NEGR1: variants seen among roughly 807,000 people sequenced by gnomAD.
NEGR1 encodes neuronal growth regulator 1, also known as IgLON family member 4.
In NEGR1, 10 loss-of-function variants were observed where a neutral mutation model predicts 40.9. That is an observed-to-expected ratio of 0.24 (90% CI 0.15 to 0.42). The LOEUF is 0.42. Ranked by LOEUF, NEGR1 falls within the 10% of genes least tolerant of loss-of-function variation. The pLI is 1.00. For missense variants in NEGR1, 352 were observed against 438.9 expected, an observed-to-expected ratio of 0.80 and a Z score of 1.77; for synonymous variants, 185 against 166.8, an observed-to-expected ratio of 1.11 and a Z score of -0.84.
At chr1:71,999,822 T>C (rs1430587720) in intron 1 of NEGR1, among the ~76,000 whole-genome samples, 1 of 150,980 alleles carries the variant, frequency 6.6e-6, no homozygotes, top group African/African-American at 2.4e-5. Context: ...AACCCAGCCT[T>C]AGGTTTAGTA....
intron 1 of NEGR1, among the ~76,000 whole-genome samples, chr1:72,015,031 T>C (rs961180261): frequency 1.3e-5 from 2 of 152,128 alleles, no homozygotes; most frequent in Non-Finnish European, 2.9e-5. Context: ...TAAATAAGAC[T>C]GTGTTCAATA....
chr1:72,257,123 C>T (rs554386832), intron 1 of NEGR1, among the ~76,000 whole-genome samples: 6 of 151,968 alleles, frequency 3.9e-5, no homozygotes, highest in East Asian at 3.9e-4. Context: ...GAGATTGAGA[C>T]CATCCCGGCT....
At chr1:71,749,988 C>CTTTTTTTTTT (rs768011020) in intron 3 of NEGR1, among the ~76,000 whole-genome samples, 2 of 136,634 alleles carry the variant, frequency 1.5e-5, no homozygotes, top group African/African-American at 2.8e-5. Flanking sequence ...TTGCTCCTTT[C>CTTTTTTTTTT]TTTTTTTTTT....
intron 3 of NEGR1, among the ~76,000 whole-genome samples, chr1:71,720,078 C>T (rs1250135335): frequency 2.0e-5 from 3 of 152,018 alleles, no homozygotes; most frequent in Non-Finnish European, 4.4e-5. Context: ...TACTACCAAA[C>T]AACTACAAGA....
At chr1:71,875,193 C>G (rs207460191) in intron 2 of NEGR1, among the ~76,000 whole-genome samples, 7 of 152,038 alleles carry the variant, frequency 4.6e-5, no homozygotes, top group Non-Finnish European at 1.0e-4. Context: ...ATCACAAATG[C>G]AAATATAAAT....
At chr1:71,652,269 T>C (rs1651740830) in intron 4 of NEGR1, among the ~76,000 whole-genome samples, 1 of 152,218 alleles carries the variant, frequency 6.6e-6, no homozygotes, top group Admixed American at 6.5e-5. Context: ...ATATTAATCT[T>C]TATCATTTTT....
chr1:71,605,591 C>G (rs1012642351), intron 5 of NEGR1, among the ~76,000 whole-genome samples: 3 of 152,152 alleles, frequency 2.0e-5, no homozygotes, highest in African/African-American at 7.2e-5. Flanking sequence ...AATTTCATAT[C>G]ACCAAAAACG....
chr1:71,735,975 A>G (rs1319098743), intron 3 of NEGR1, among the ~76,000 whole-genome samples: 1 of 152,112 alleles, frequency 6.6e-6, no homozygotes, highest in Non-Finnish European at 1.5e-5. Flanking sequence ...TGAAATGATC[A>G]ATTAATGTTT....
At chr1:71,929,951 A>C (rs1645839352) in intron 2 of NEGR1, among the ~76,000 whole-genome samples, 1 of 152,096 alleles carries the variant, frequency 6.6e-6, no homozygotes, top group Admixed American at 6.6e-5. Flanking sequence ...CACATAGAGT[A>C]ATTGCTCTCC....
At chr1:72,025,080 C>T (rs1236864400) in intron 1 of NEGR1, among the ~76,000 whole-genome samples, 1 of 151,970 alleles carries the variant, frequency 6.6e-6, no homozygotes, top group Non-Finnish European at 1.5e-5. Context: ...GAATTATAGT[C>T]CAAAAACCAA....
At chr1:71,772,449 AT>A (rs981535417) in intron 3 of NEGR1, among the ~76,000 whole-genome samples, 7 of 148,568 alleles carry the variant, frequency 4.7e-5, no homozygotes, top group African/African-American at 1.7e-4. Context: ...TTGAAAAAAA[AT>A]GTCAATGTTC....
chr1:71,662,954 T>G (rs1476709919), intron 4 of NEGR1, among the ~76,000 whole-genome samples: 1 of 148,434 alleles, frequency 6.7e-6, no homozygotes, highest in East Asian at 2.0e-4. Context: ...TTTTTTAGTG[T>G]TTTTTTTTTC....
At chr1:72,041,315 T>A (rs1646952061) in intron 1 of NEGR1, among the ~76,000 whole-genome samples, 1 of 151,998 alleles carries the variant, frequency 6.6e-6, no homozygotes. Flanking sequence ...TTACAGGGGT[T>A]TAATGCTCGG....
At chr1:72,097,253 G>A (rs1486433751) in intron 1 of NEGR1, among the ~76,000 whole-genome samples, 1 of 152,132 alleles carries the variant, frequency 6.6e-6, no homozygotes, top group Non-Finnish European at 1.5e-5. Flanking sequence ...GTCTCAGTAA[G>A]GCATGGACTG....
At chr1:71,688,072 C>G (rs1382305999) in intron 4 of NEGR1, among the ~76,000 whole-genome samples, 1 of 151,340 alleles carries the variant, frequency 6.6e-6, no homozygotes, top group East Asian at 1.9e-4. Context: ...GTGCTAGGTA[C>G]TGGGAATAAT....
intron 6 of NEGR1, among the ~76,000 whole-genome samples, chr1:71,503,563 A>G (rs1647012723): frequency 6.6e-6 from 1 of 152,150 alleles, no homozygotes; most frequent in African/African-American, 2.4e-5. Context: ...ACAGTGTAAG[A>G]GGGATGTTGA....
rs7416638 is a variant in NEGR1, at chr1:72,174,766, T to A, written c.176+107553A>T. 1.6e-4 allele frequency among the ~76,000 whole-genome samples: 24 copies of A among 151,728 alleles called. No homozygotes were observed. The South Asian group carries it at 3.1e-3, about 20-fold the overall frequency. ...TTATTTCTTATAAAATTAAAAAAAA[T>A]TTAAAAAAAATTTTCGGCTTTATGC... On this transcript the variant is annotated intron_variant, in intron 1 of 6. Coordinates refer to ENST00000357731, the MANE Select transcript of NEGR1 (RefSeq NM_173808.3).
chr1:72,040,231 C>T (rs1466101650), intron 1 of NEGR1, among the ~76,000 whole-genome samples: 2 of 151,664 alleles, frequency 1.3e-5, no homozygotes, highest in African/African-American at 2.4e-5. Context: ...AATCCCGCAT[C>T]GTAACTTAAA....
chr1:71,602,515 T>A (rs527736492), intron 5 of NEGR1, among the ~76,000 whole-genome samples: 15 of 152,052 alleles, frequency 9.9e-5, no homozygotes, highest in Admixed American at 9.8e-4. Context: ...CCTCCCAAAG[T>A]GCTGGGATTA....
Sources: gnomAD v4.1 joint callset for allele counts (sites outside exome capture counted in the v4.1 genomes callset) on GRCh38, gnomAD v4.1.1 for gene constraint, MANE v1.5 for transcripts, NCBI Gene and HGNC (gene_info 2026-07-23, HGNC 2026-07-21) for gene names.